Variants in HAS3 observed in about 807,000 individuals in gnomAD.
The protein encoded by HAS3 is HA synthase 3.
A neutral mutation model predicts 50.3 loss-of-function variants in HAS3; 27 were observed. The ratio of observed to expected loss-of-function variants is 0.54; its 90% confidence interval spans 0.40 to 0.74. HAS3 has a LOEUF of 0.74. Ranked by LOEUF, HAS3 falls within the 30% of genes least tolerant of loss-of-function variation. HAS3 has a pLI of 0.00. For missense variants in HAS3, 517 were observed against 742.8 expected, an observed-to-expected ratio of 0.70 and a Z score of 3.53; for synonymous variants, 339 against 310.9, an observed-to-expected ratio of 1.09 and a Z score of -0.95.
chr16:69,085,878 CTTTATT>C, the HAS3 span, among the ~76,000 whole-genome samples: 1 of 152,032 alleles, frequency 6.6e-6, no homozygotes, highest in Non-Finnish European at 1.5e-5. Flanking sequence ...CGTGCCTGAC[CTTTATT>C]TTAAGACAGT....
rs1194818280 is a variant in HAS3 at position 69,107,789 on chromosome 16, G to T, written c.1-1607G>T. ...GGCGCGAGCAGTAGGGTGGCAACAG[G>T]GAGGGCTGGGAGTCCTGTGAAGGAA... On this transcript the variant is annotated intron_variant, in intron 1 of 3. Transcript: ENST00000569188. This position sits in a 1 kb window ranked among gnomAD's most constrained non-coding sequence, Gnocchi z 5.5. 3 of 767,624 alleles carry T rather than the reference G, an allele frequency of 3.9e-6. No homozygotes were observed. The East Asian group carries it at 3.8e-4, about 97-fold the overall frequency. The allele number at this position is 767,624 out of a possible 1,614,324, so 47.6% of individuals were successfully genotyped here.
At position 69,106,953 on chromosome 16, in the gene HAS3, G is replaced by GGA. The variant is rs1450258459; in HGVS notation, c.-1+1169_-1+1170dup. ...CCCCTCAAAGTTTCGGAGGCTTGAT[G>GGA]GAGAAGCGTGCGTCCTTGACTGGGG... On this transcript the variant is annotated intron_variant, in intron 1 of 3. Transcript: ENST00000569188. This position sits in a 1 kb window ranked among gnomAD's most constrained non-coding sequence, Gnocchi z 5.5. 1 of 152,296 alleles carries GGA rather than the reference G, an allele frequency of 6.6e-6. No homozygotes were observed. Among genetic ancestry groups the GGA allele is most frequent in the East Asian group, 1.9e-4 (1 of 5,196 alleles). 9.4% of individuals were successfully genotyped at this position (152,296 alleles called of 1,614,324 possible). A position where few individuals can be genotyped will look rare whatever the true frequency, so the allele number is the denominator to read the frequency against.
chr16:69,113,169 A>G (rs1177673112), intron 2 of HAS3, among the ~76,000 whole-genome samples: 1 of 152,186 alleles, frequency 6.6e-6, no homozygotes, highest in East Asian at 1.9e-4. Context: ...GTCCAGTGCT[A>G]AGCATGTCTC....
chr16:69,107,685 C>T lies in HAS3; in HGVS notation c.1-1711C>T, dbSNP rs1382233544. The T allele has an allele frequency of 9.1e-6, 9 of 985,428 alleles. No homozygotes were observed. The East Asian group carries it at 9.1e-4, about 99-fold the overall frequency. The allele number at this position is 985,428 out of a possible 1,614,324, so 61.0% of individuals were successfully genotyped here. A position where few individuals can be genotyped will look rare whatever the true frequency, so the allele number is the denominator to read the frequency against. On this transcript the variant is annotated intron_variant, in intron 1 of 3. Transcript: ENST00000569188. This position sits in a 1 kb window ranked among gnomAD's most constrained non-coding sequence, Gnocchi z 5.5. The stretch of plus-strand genomic sequence containing the variant: ...GGCAGGCAGGGGGGTCCCGCCGCGC[C>T]CCTTCAGCATGTAAGCTCCGGAGGG...
upstream of HAS3, among the ~76,000 whole-genome samples, chr16:69,105,001 T>G (rs951448332): frequency 4.1e-5 from 3 of 72,760 alleles, no homozygotes; most frequent in African/African-American, 1.7e-4. Context: ...GGTTTTTTTT[T>G]TTTTTTTTTT....
intron 2 of HAS3, among the ~76,000 whole-genome samples, chr16:69,111,289 C>G (rs377447190): frequency 6.8e-6 from 1 of 146,298 alleles, no homozygotes; most frequent in East Asian, 2.1e-4. Flanking sequence ...TCAGGCTGGT[C>G]TTGAACTCCT....
intron 1 of HAS3, among the ~76,000 whole-genome samples, chr16:69,108,554 C>T (rs1003903254): frequency 6.6e-6 from 1 of 152,140 alleles, no homozygotes; most frequent in Admixed American, 6.6e-5. Context: ...CGCACAGAGA[C>T]GCATGCTGCA....
At chr16:69,112,046 T>C (rs1430701368) in intron 2 of HAS3, among the ~76,000 whole-genome samples, 3 of 152,214 alleles carry the variant, frequency 2.0e-5, no homozygotes, top group Non-Finnish European at 4.4e-5. Context: ...TGCGGAGGTA[T>C]CTCTCCCTCC....
the HAS3 span, among the ~76,000 whole-genome samples, chr16:69,087,516 T>G: frequency 6.6e-6 from 1 of 152,084 alleles, no homozygotes; most frequent in African/African-American, 2.4e-5. Context: ...TTTCCCATAT[T>G]TCCCAATCTC....
chr16:69,097,494 G>C, the HAS3 span, among the ~76,000 whole-genome samples: 3 of 151,792 alleles, frequency 2.0e-5, no homozygotes, highest in Non-Finnish European at 4.4e-5. Context: ...CTTACCTTAA[G>C]TGTAGACAGG....
rs1961236801 is a variant in HAS3 at position 69,117,502 on chromosome 16, T to C, written c.*2236T>C. The C allele has an allele frequency of 1.0e-6, 1 of 975,164 alleles. No individual in the cohort carries two copies. Among genetic ancestry groups the C allele is most frequent in the Admixed American group, 6.2e-5 (1 of 16,250 alleles). The allele number at this position is 975,164 out of a possible 1,614,324, so 60.4% of individuals were successfully genotyped here. On this transcript the variant is annotated 3_prime_UTR_variant, in exon 4 of 4. Coordinates refer to ENST00000569188, the MANE Select transcript of HAS3 (RefSeq NM_001199280.2). ...TTATACAATTGGACGCATTTTGGTT[T>C]TTCCTCATTGAGAATTCAAATCCTC...
chr16:69,103,754 A>G (rs532090823), upstream of HAS3, among the ~76,000 whole-genome samples: 1 of 152,136 alleles, frequency 6.6e-6, no homozygotes, highest in East Asian at 1.9e-4. Context: ...TGAGTGCTCT[A>G]GAGGGATGGC....
rs922206623 is a variant in HAS3, at chr16:69,106,705, C to T, written c.-1+918C>T. 6.6e-6 allele frequency: 1 copy of T among 152,200 alleles called. No homozygotes were observed. Among genetic ancestry groups the T allele is most frequent in the Non-Finnish European group, 1.5e-5 (1 of 68,068 alleles). The allele number at this position is 152,200 out of a possible 1,614,324, so 9.4% of individuals were successfully genotyped here. A position where few individuals can be genotyped will look rare whatever the true frequency, so the allele number is the denominator to read the frequency against. On this transcript the variant is annotated intron_variant, in intron 1 of 3. Transcript: ENST00000569188. This position sits in a 1 kb window ranked among gnomAD's most constrained non-coding sequence, Gnocchi z 5.5. ...GACCTCCCGGGGGTTTGCACCTGTC[C>T]GGGCACCAAGGTACCAGGCGCCCAC... is the stretch of plus-strand genomic sequence containing the variant.
chr16:69,111,944 C>T lies in HAS3; in HGVS notation c.637-1497C>T, dbSNP rs560700617. On this transcript the variant is annotated intron_variant, in intron 2 of 3. Transcript: ENST00000569188. ...AAACAGGCTCACACACCTGAGCTGT[C>T]TCTTTACAGCCCTGGGATCACTGCA... is the stretch of plus-strand genomic sequence containing the variant. Among the ~76,000 whole-genome samples, 5 of 152,370 alleles carry T rather than the reference C, an allele frequency of 3.3e-5. No individual in the cohort carries two copies. In the East Asian group the frequency reaches 9.6e-4, roughly 29 times the overall value.
Position 69,115,699 on chromosome 16 carries a change from G to A in HAS3, c.*433G>A, listed in dbSNP as rs766938712. On this transcript the variant is annotated 3_prime_UTR_variant, in exon 4 of 4. Transcript: ENST00000569188. ...GGTGGCAGGAGAATTTCTACTGAGC[G>A]AGCTGGGCCGGTTAGTGTATGTCAC... The A allele has an allele frequency of 1.0e-5, 10 of 991,084 alleles. No homozygotes were observed. The highest frequency in any genetic ancestry group is 6.0e-5 in the Admixed American group (1 of 16,708). The allele number at this position is 991,084 out of a possible 1,614,324, so 61.4% of individuals were successfully genotyped here. A position where few individuals can be genotyped will look rare whatever the true frequency, so the allele number is the denominator to read the frequency against.
At chr16:69,118,451 A>G (rs1199865236), downstream of HAS3, 1 of 1,604,202 alleles carries the variant, frequency 6.2e-7, no homozygotes, top group Non-Finnish European at 8.5e-7. Flanking sequence ...CCACGTTTCT[A>G]GAGAGCAGTG....
At chr16:69,101,164 CAATTCA>C (rs1960693032), upstream of HAS3, among the ~76,000 whole-genome samples, 1 of 152,208 alleles carries the variant, frequency 6.6e-6, no homozygotes, top group South Asian at 2.1e-4. Context: ...CTACTGGATA[CAATTCA>C]AACTCCTTAT....
Position 69,117,341 on chromosome 16 carries a change from AAAACAGGCAGG to A in HAS3, c.*2076_*2086del, listed in dbSNP as rs1567583893. The A allele has an allele frequency of 2.0e-6, 2 of 985,734 alleles. No homozygotes were observed. The highest frequency in any genetic ancestry group is 2.4e-6 in the Non-Finnish European group (2 of 829,938). The allele number at this position is 985,734 out of a possible 1,614,324, so 61.1% of individuals were successfully genotyped here. A position where few individuals can be genotyped will look rare whatever the true frequency, so the allele number is the denominator to read the frequency against. On this transcript the variant is annotated 3_prime_UTR_variant, in exon 4 of 4. Transcript: ENST00000569188. ...GTGGTCGTCAACTTTCCTCAAATCA[AAAACAGGCAGG>A]TACAGGTAGTGGGCTCACAACGTTT... is the stretch of plus-strand genomic sequence containing the variant.
the HAS3 span, among the ~76,000 whole-genome samples, chr16:69,092,785 A>G: frequency 6.6e-6 from 1 of 152,030 alleles, no homozygotes; most frequent in African/African-American, 2.4e-5. Context: ...ATTTGAGCCC[A>G]GGAGTTTGAG....
Sources: gnomAD v4.1 joint callset for allele counts (sites outside exome capture counted in the v4.1 genomes callset) on GRCh38, gnomAD v4.1.1 for gene constraint, Gnocchi (gnomAD v3.1) non-coding constraint, MANE v1.5 for transcripts, NCBI Gene and HGNC (gene_info 2026-07-23, HGNC 2026-07-21) for gene names.